Variants in PFKP observed in about 807,000 individuals in gnomAD.
The protein encoded by PFKP is ATP-dependent 6-phosphofructokinase, platelet type.
In PFKP, 101 loss-of-function variants were observed where a neutral mutation model predicts 94.3. That is an observed-to-expected ratio of 1.07 (90% confidence interval 0.91 to 1.26). The LOEUF (loss-of-function observed/expected upper bound fraction) is 1.26, where lower values mean the gene tolerates loss of function less well. PFKP is among the 50% of genes most tolerant of loss of function. The pLI, the probability that PFKP is intolerant of heterozygous loss-of-function variation, is 0.00. For synonymous variants in PFKP, 573 were observed against 432.6 expected (o/e 1.32, Z -4.03); for missense variants, 1,145 against 1,103.3 (o/e 1.04, Z -0.53).
At chr10:3,067,977 G>GGGA (rs1399222838) in intron 1 of PFKP, among the ~76,000 whole-genome samples, 1 of 152,226 alleles carries the variant, frequency 6.6e-6, no homozygotes, top group African/African-American at 2.4e-5. Context: ...GGTGGGGCGG[G>GGGA]GGAGGAAGGG....
chr10:3,104,773 G>A, intron 5 of PFKP: 2 of 372,824 alleles, frequency 5.4e-6, no homozygotes, highest in East Asian at 6.5e-5. Flanking sequence ...GCTGCCGACT[G>A]TGCCCAATAG....
At chr10:3,082,544 C>T (rs942352960) in intron 2 of PFKP, 83 bp downstream of exon 2, 2 of 941,746 alleles carry the variant, frequency 2.1e-6, no homozygotes, top group Non-Finnish European at 3.2e-6. Flanking sequence ...TCACCCCTGC[C>T]TCCCCCATGC....
At chr10:3,075,078 A>T (rs1832476171) in intron 1 of PFKP, among the ~76,000 whole-genome samples, 1 of 152,252 alleles carries the variant, frequency 6.6e-6, no homozygotes, top group Non-Finnish European at 1.5e-5. Context: ...AGGTTGGGCT[A>T]GTTAACTGCA....
chr10:3,086,575 G>T (rs1833620008), intron 2 of PFKP, among the ~76,000 whole-genome samples: 1 of 152,122 alleles, frequency 6.6e-6, no homozygotes, highest in Non-Finnish European at 1.5e-5. Flanking sequence ...ATCCTACGAT[G>T]GACAGGACCA....
chr10:3,072,126 C>T lies in PFKP; in HGVS notation c.112+4419C>T, dbSNP rs566216915. ...ACTGAGGAGCAGGAAACCAGGGGTT[C>T]TAGCTGTCTTCTTCGTCCATGAAGT... On this transcript the variant is annotated intron_variant, in intron 1 of 21. Transcript: ENST00000381125. Among the ~76,000 whole-genome samples, 455 of 152,402 alleles carry T rather than the reference C, an allele frequency of 3.0e-3. 2 individuals carry two copies. The highest frequency in any genetic ancestry group is 0.01 in the African/African-American group (426 of 41,594).
chr10:3,102,893 C>G (rs1342858017), intron 4 of PFKP, among the ~76,000 whole-genome samples: 1 of 152,238 alleles, frequency 6.6e-6, no homozygotes, highest in Admixed American at 6.5e-5. Flanking sequence ...TCCCGCTTGT[C>G]CACCTCATCC....
chr10:3,104,824 TGTGA>T, intron 5 of PFKP: 1 of 496,400 alleles, frequency 2.0e-6, no homozygotes, highest in Non-Finnish European at 3.6e-6. Flanking sequence ...GGCCGGGGAG[TGTGA>T]GTGTGTCCTG....
At chr10:3,123,572 C>G (rs1837635266) in intron 16 of PFKP, among the ~76,000 whole-genome samples, 1 of 152,182 alleles carries the variant, frequency 6.6e-6, no homozygotes, top group African/African-American at 2.4e-5. Context: ...CCCAGGTCAC[C>G]CACACCGTCT....
chr10:3,123,637 G>C (rs1837641632), intron 16 of PFKP, among the ~76,000 whole-genome samples: 1 of 152,236 alleles, frequency 6.6e-6, no homozygotes, highest in African/African-American at 2.4e-5. Flanking sequence ...GCCAGTCTTG[G>C]TCAGTCCTGA....
chr10:3,067,895 C>T (rs1284219896), intron 1 of PFKP, among the ~76,000 whole-genome samples, 188 bp downstream of exon 1: 1 of 151,972 alleles, frequency 6.6e-6, no homozygotes, highest in African/African-American at 2.4e-5. Context: ...CGGGAAGAAG[C>T]CCGCGCCCGG....
intron 13 of PFKP, 116 bp from the exon 14 acceptor site, chr10:3,116,658 CCT>C: frequency 2.6e-6 from 2 of 781,848 alleles, no homozygotes; most frequent in South Asian, 2.9e-5. Context: ...GTCTCATACG[CCT>C]CTCAAATCTT....
chr10:3,089,175 C>A (rs1833857194), intron 2 of PFKP, among the ~76,000 whole-genome samples: 1 of 152,154 alleles, frequency 6.6e-6, no homozygotes, highest in African/African-American at 2.4e-5. Flanking sequence ...TCAGGTGATC[C>A]TGCCCTCCTG....
intron 16 of PFKP, 65 bp from the exon 17 acceptor site, chr10:3,129,754 A>T: frequency 1.3e-6 from 2 of 1,551,670 alleles, no homozygotes; most frequent in Non-Finnish European, 1.8e-6. Context: ...CTCTTGGGGG[A>T]GCTCTGGGAT....
intron 5 of PFKP, among the ~76,000 whole-genome samples, chr10:3,104,295 G>A (rs573188247): frequency 9.7e-4 from 148 of 152,304 alleles, no homozygotes; most frequent in African/African-American, 3.4e-3. Flanking sequence ...CGCAGCCAGC[G>A]ATGTCCTGCC....
intron 16 of PFKP, among the ~76,000 whole-genome samples, chr10:3,128,205 G>C (rs1186358209): frequency 6.6e-6 from 1 of 152,188 alleles, no homozygotes; most frequent in African/African-American, 2.4e-5. Flanking sequence ...ATGGTGCACT[G>C]GTGTAAGCCC....
rs927312576 is a variant in PFKP at position 3,124,949 on chromosome 10, G to C, written c.1684-4870G>C. ...CTGTGCTGCTCTCGCACGGCCTCCA[G>C]AGCCTCCCTCGGCCCCTTGACCCGC... is the stretch of plus-strand genomic sequence containing the variant. On this transcript the variant is annotated intron_variant, in intron 16 of 21. Coordinates refer to ENST00000381125, the MANE Select transcript of PFKP (RefSeq NM_002627.5). 4 of 505,382 alleles carry C rather than the reference G, an allele frequency of 7.9e-6. No individual in the cohort carries two copies. In the South Asian group the frequency reaches 1.4e-4, roughly 18 times the overall value. 31.3% of individuals were successfully genotyped at this position (505,382 alleles called of 1,614,324 possible). A position where few individuals can be genotyped will look rare whatever the true frequency, so the allele number is the denominator to read the frequency against.
chr10:3,126,608 C>T (rs1043954914), intron 16 of PFKP, among the ~76,000 whole-genome samples: 5 of 152,212 alleles, frequency 3.3e-5, no homozygotes, highest in South Asian at 2.1e-4. Context: ...GCTCGGCTGC[C>T]GTGAGGGATA....
At chr10:3,134,092 A>G (rs1838923569) in intron 19 of PFKP, among the ~76,000 whole-genome samples, 1 of 152,204 alleles carries the variant, frequency 6.6e-6, no homozygotes, top group Non-Finnish European at 1.5e-5. Context: ...CTTTTAAGCC[A>G]GAGCCCATGA....
intron 1 of PFKP, chr10:3,069,180 C>T (rs1831987114): frequency 2.5e-6 from 3 of 1,208,612 alleles, no homozygotes; most frequent in African/African-American, 1.6e-5. Flanking sequence ...CAGCGCCAGG[C>T]CCCGCCCCGC....
Sources: allele counts gnomAD v4.1 joint callset (sites outside exome capture counted in the v4.1 genomes callset), GRCh38; gene constraint gnomAD v4.1.1; transcripts MANE v1.5; gene names NCBI Gene and HGNC (gene_info 2026-07-23, HGNC 2026-07-21).